NOL4: variants seen among roughly 807,000 people sequenced by gnomAD.
NOL4 encodes the protein nucleolar protein 4.
A neutral mutation model predicts 75.9 loss-of-function variants in NOL4; 17 were observed. That is an observed-to-expected ratio of 0.22 (90% CI 0.15 to 0.34). The LOEUF (loss-of-function observed/expected upper bound fraction) is 0.34, where lower values mean the gene tolerates loss of function less well. Ranked by LOEUF, NOL4 falls within the 10% of genes least tolerant of loss-of-function variation. The pLI, the probability that NOL4 is intolerant of heterozygous loss-of-function variation, is 1.00. For missense variants in NOL4, 614 were observed against 793.5 expected (o/e 0.77, Z 2.72); for synonymous variants, 292 against 289.9 (o/e 1.01, Z -0.07).
At chr18:33,947,480 G>A (rs1330584972) in intron 8 of NOL4, among the ~76,000 whole-genome samples, 1 of 151,718 alleles carries the variant, frequency 6.6e-6, no homozygotes, top group Non-Finnish European at 1.5e-5. Flanking sequence ...AAAACCAAAT[G>A]CAATAAATTC....
At chr18:33,929,681 A>C (rs2067560608) in intron 9 of NOL4, among the ~76,000 whole-genome samples, 1 of 152,068 alleles carries the variant, frequency 6.6e-6, no homozygotes, top group South Asian at 2.1e-4. Context: ...ATTCTTCCTC[A>C]CTTGTTTTGT....
intron 9 of NOL4, among the ~76,000 whole-genome samples, chr18:33,902,297 T>A (rs2145000695): frequency 6.6e-6 from 1 of 152,238 alleles, no homozygotes; most frequent in Non-Finnish European, 1.5e-5. Context: ...TGTTTCTTTT[T>A]GAAAACTTTT....
intron 1 of NOL4, chr18:34,157,080 TC>T (rs1310484037): frequency 1.3e-5 from 2 of 152,208 alleles, no homozygotes; most frequent in Admixed American, 1.3e-4. Context: ...TTCTTCTCAT[TC>T]TTCATTTTGG....
chr18:34,215,148 CTT>C (rs891454412), intron 1 of NOL4, among the ~76,000 whole-genome samples: 1 of 151,996 alleles, frequency 6.6e-6, no homozygotes, highest in Non-Finnish European at 1.5e-5. Flanking sequence ...AATATGGTAA[CTT>C]TTATGTTGTG....
intron 1 of NOL4, chr18:34,221,642 T>TG (rs2037314194): frequency 6.2e-6 from 1 of 161,502 alleles, no homozygotes; most frequent in South Asian, 2.0e-4. Context: ...CTTTTATATG[T>TG]GTTTCCATTT....
At chr18:34,018,856 C>T (rs2074863211) in intron 6 of NOL4, among the ~76,000 whole-genome samples, 1 of 151,974 alleles carries the variant, frequency 6.6e-6, no homozygotes, top group South Asian at 2.1e-4. Flanking sequence ...ATTTAGTGTC[C>T]ACAAAGAAAA....
At chr18:33,977,085 T>C (rs1020419449) in intron 6 of NOL4, among the ~76,000 whole-genome samples, 34 of 152,156 alleles carry the variant, frequency 2.2e-4, no homozygotes, top group Middle Eastern at 3.2e-3. Flanking sequence ...TATACAGTAA[T>C]GATAATTTGG....
At chr18:33,938,332 A>T (rs191909631) in intron 9 of NOL4, among the ~76,000 whole-genome samples, 3 of 152,194 alleles carry the variant, frequency 2.0e-5, no homozygotes, top group Admixed American at 2.0e-4. Context: ...TTATTTCTTC[A>T]TTATTCCCCA....
chr18:34,158,797 G>A (rs1292906078), intron 1 of NOL4, among the ~76,000 whole-genome samples: 1 of 152,170 alleles, frequency 6.6e-6, no homozygotes, highest in Non-Finnish European at 1.5e-5. Context: ...CCAGGACAGT[G>A]TTTTGTAGAA....
At chr18:34,004,708 CT>C (rs2073935910) in intron 6 of NOL4, among the ~76,000 whole-genome samples, 3 of 151,954 alleles carry the variant, frequency 2.0e-5, no homozygotes, top group African/African-American at 7.2e-5. Flanking sequence ...ATTAAAATTG[CT>C]TCTATTCATT....
At chr18:34,164,510 CA>C (rs1416114722) in intron 1 of NOL4, among the ~76,000 whole-genome samples, 1 of 152,152 alleles carries the variant, frequency 6.6e-6, no homozygotes, top group Non-Finnish European at 1.5e-5. Flanking sequence ...CATCACTGGC[CA>C]TCAGAGAGAT....
intron 1 of NOL4, among the ~76,000 whole-genome samples, chr18:34,204,360 A>G (rs567608328): frequency 6.6e-6 from 1 of 152,172 alleles, no homozygotes; most frequent in South Asian, 2.1e-4. Flanking sequence ...TAATACTATC[A>G]TATTTGTCTT....
chr18:33,907,399 T>C (rs1364476785), intron 9 of NOL4, among the ~76,000 whole-genome samples: 1 of 151,512 alleles, frequency 6.6e-6, no homozygotes, highest in Non-Finnish European at 1.5e-5. Flanking sequence ...CCAATGTTTA[T>C]CTTCCCTTGA....
intron 3 of NOL4, 29 bp from the exon 4 acceptor site, chr18:34,104,188 G>A (rs774062831): frequency 1.6e-6 from 2 of 1,287,334 alleles, no homozygotes; most frequent in East Asian, 2.3e-5. Context: ...AATGGGTAAT[G>A]AAAGTAATAC....
chr18:34,143,080 G>A (rs1260080229), intron 1 of NOL4, among the ~76,000 whole-genome samples: 4 of 151,840 alleles, frequency 2.6e-5, no homozygotes, highest in Non-Finnish European at 5.9e-5. Context: ...GGAAGGGAGG[G>A]GAGGGAAGGG....
chr18:34,088,708 A>G (rs1379431437), intron 5 of NOL4, among the ~76,000 whole-genome samples: 1 of 152,118 alleles, frequency 6.6e-6, no homozygotes, highest in Non-Finnish European at 1.5e-5. Flanking sequence ...CATTCTTTTA[A>G]GTCTGTAAAA....
rs76864058 is a variant in NOL4 at position 34,108,215 on chromosome 18, A to G, written c.415-3055T>C. Among the ~76,000 whole-genome samples, 350 of 152,328 alleles carry G rather than the reference A, an allele frequency of 2.3e-3. 1 individual carries two copies. Among genetic ancestry groups the G allele is most frequent in the African/African-American group, 8.0e-3 (333 of 41,586 alleles). On this transcript the variant is annotated intron_variant, in intron 2 of 10. Coordinates refer to ENST00000261592, the MANE Select transcript of NOL4 (RefSeq NM_003787.5). Reference sequence around the variant, plus strand: ...AATTCTGTAAGTAGATATGCAAAAGATGAAGAAAAAGTAATCAAAACATAC... The same window carrying G: ...AATTCTGTAAGTAGATATGCAAAAGGTGAAGAAAAAGTAATCAAAACATAC...
At chr18:33,900,336 G>T (rs1189269386) in intron 9 of NOL4, among the ~76,000 whole-genome samples, 1 of 152,070 alleles carries the variant, frequency 6.6e-6, no homozygotes, top group Non-Finnish European at 1.5e-5. Context: ...CCGCCCCCAT[G>T]ACCCAAACAC....
chr18:34,196,943 G>A (rs2035372556), intron 1 of NOL4, among the ~76,000 whole-genome samples: 1 of 148,802 alleles, frequency 6.7e-6, no homozygotes, highest in African/African-American at 2.4e-5. Flanking sequence ...ATACATTCCT[G>A]TTGATTTTGC....
Sources: allele counts gnomAD v4.1 joint callset (sites outside exome capture counted in the v4.1 genomes callset), GRCh38; gene constraint gnomAD v4.1.1; transcripts MANE v1.5; gene names NCBI Gene and HGNC (gene_info 2026-07-23, HGNC 2026-07-21).